Variants in SRI observed in about 807,000 individuals in gnomAD.
SRI encodes sorcin, also known as 22 kDa protein.
SRI carries 30 observed loss-of-function variants against 33.3 expected under a neutral mutation model. That is an observed-to-expected ratio of 0.90 (90% CI 0.67 to 1.22). SRI has a LOEUF of 1.22. Among genes scored for constraint, SRI ranks in the 50% most tolerant of loss-of-function variants. The pLI is 0.00. For missense variants in SRI, 243 were observed against 250.8 expected (o/e 0.97, Z 0.21); for synonymous variants, 75 against 89.9 (o/e 0.83, Z 0.94).
At chr7:88,209,915 C>T in intron 5 of SRI, 68 bp downstream of exon 5, 1 of 1,605,930 alleles carries the variant, frequency 6.2e-7, no homozygotes, top group Non-Finnish European at 8.5e-7. Context: ...TGCACCCAGC[C>T]TGGTTTTAAA....
chr7:88,218,570 T>C (rs1851791551), intron 2 of SRI, among the ~76,000 whole-genome samples: 1 of 152,134 alleles, frequency 6.6e-6, no homozygotes, highest in African/African-American at 2.4e-5. Context: ...CAAACAAGCG[T>C]TTATATTTAC....
At chr7:88,219,096 A>AC in intron 1 of SRI, 154 bp from the exon 2 acceptor site, 2 of 685,536 alleles carry the variant, frequency 2.9e-6, no homozygotes, top group Non-Finnish European at 5.3e-6. Flanking sequence ...CCAACACTCC[A>AC]CCCCTCTCTT....
At chr7:88,210,253 TATGATGTAAAATTA>T in intron 4 of SRI, 123 bp from the exon 5 acceptor site, 1 of 1,183,362 alleles carries the variant, frequency 8.5e-7, no homozygotes, top group Non-Finnish European at 1.2e-6. Context: ...TTATTCTTGG[TATGATGTAAAATTA>T]ATGATTTAAA....
intron 6 of SRI, chr7:88,208,803 A>G: frequency 1.9e-6 from 1 of 532,110 alleles, no homozygotes; most frequent in Non-Finnish European, 3.2e-6. Context: ...TTGTTTTTTT[A>G]GATCTGGAGA....
intron 7 of SRI, 49 bp from the exon 8 acceptor site, chr7:88,206,553 G>A (rs932047582): frequency 1.1e-5 from 17 of 1,606,184 alleles, no homozygotes; most frequent in Non-Finnish European, 1.4e-5. Flanking sequence ...CACTTATACG[G>A]CACAGCCTAT....
intron 3 of SRI, among the ~76,000 whole-genome samples, chr7:88,215,787 A>T (rs558005589): frequency 6.6e-6 from 1 of 152,358 alleles, no homozygotes; most frequent in Non-Finnish European, 1.5e-5. Context: ...TAGTTTGAAC[A>T]TTTTAATCCA....
intron 6 of SRI, 45 bp downstream of exon 6, chr7:88,209,294 A>G: frequency 6.8e-7 from 1 of 1,481,150 alleles, no homozygotes; most frequent in African/African-American, 1.4e-5. Context: ...TGTAATAAAA[A>G]CTGTGTCTTG....
intron 1 of SRI, among the ~76,000 whole-genome samples, chr7:88,226,086 T>C (rs1056868670): frequency 1.3e-5 from 2 of 152,172 alleles, no homozygotes; most frequent in Admixed American, 6.5e-5. Context: ...TATGCTCAGG[T>C]AGAAAATCAC....
At chr7:88,217,947 C>T (rs543434207) in intron 2 of SRI, among the ~76,000 whole-genome samples, 1 of 152,158 alleles carries the variant, frequency 6.6e-6, no homozygotes, top group Non-Finnish European at 1.5e-5. Flanking sequence ...GAAGGTCTTC[C>T]AGTTTTAGAC....
chr7:88,210,704 TAA>T (rs1200762378), intron 4 of SRI, 176 bp downstream of exon 4: 4 of 595,476 alleles, frequency 6.7e-6, no homozygotes, highest in Non-Finnish European at 1.2e-5. Context: ...TTCTGTTTAC[TAA>T]ATTTCTTTTC....
chr7:88,220,464 G>A (rs899170262), upstream of SRI, among the ~76,000 whole-genome samples: 10 of 152,032 alleles, frequency 6.6e-5, no homozygotes, highest in African/African-American at 2.4e-4. Context: ...GCACCATCGC[G>A]AGGCAGGGGC....
intron 4 of SRI, 34 bp downstream of exon 4, chr7:88,210,848 A>AG: frequency 6.2e-7 from 1 of 1,602,886 alleles, no homozygotes; most frequent in Non-Finnish European, 8.5e-7. Context: ...TTTTAGAAAA[A>AG]ATTATTCTAG....
At chr7:88,220,825 A>G, upstream of SRI, among the ~76,000 whole-genome samples, 1 of 152,222 alleles carries the variant, frequency 6.6e-6, no homozygotes, top group East Asian at 1.9e-4. Flanking sequence ...GCTACTTTTT[A>G]TATAAGAAAA....
At chr7:88,208,915 T>G (rs1181024172) in intron 6 of SRI, 2 of 316,260 alleles carry the variant, frequency 6.3e-6, no homozygotes, top group Non-Finnish European at 1.2e-5. Context: ...ACAAAGATAC[T>G]GCTTAAGAAA....
chr7:88,219,947 G>A, intron 1 of SRI, 29 bp downstream of exon 1: 1 of 1,538,308 alleles, frequency 6.5e-7, no homozygotes, highest in Non-Finnish European at 8.7e-7. Flanking sequence ...GAGCCGCCTG[G>A]GCCGCGATCC....
chr7:88,214,272 G>T (rs541445129), intron 3 of SRI, among the ~76,000 whole-genome samples: 171 of 152,336 alleles, frequency 1.1e-3, no homozygotes, highest in African/African-American at 4.0e-3. Flanking sequence ...CAGGCAAAGC[G>T]TAAGTGAATA....
chr7:88,206,984 G>T (rs189239897), intron 7 of SRI, among the ~76,000 whole-genome samples: 37 of 152,286 alleles, frequency 2.4e-4, no homozygotes, highest in Admixed American at 2.3e-3. Context: ...GCAAGTGTAT[G>T]TATGCACAGA....
chr7:88,220,781 C>T (rs1443115123), upstream of SRI, among the ~76,000 whole-genome samples: 2 of 152,134 alleles, frequency 1.3e-5, no homozygotes, highest in Non-Finnish European at 2.9e-5. Context: ...CTGGATGATT[C>T]AGACAAAACA....
At chr7:88,222,028 TTATGGCTGCATAG>T (rs1214466339), upstream of SRI, among the ~76,000 whole-genome samples, 5 of 142,348 alleles carry the variant, frequency 3.5e-5, no homozygotes, top group Non-Finnish European at 7.6e-5. Context: ...TCATCATTTT[TTATGGCTGCATAG>T]TATTCCATGG....
Sources: allele counts gnomAD v4.1 joint callset (sites outside exome capture counted in the v4.1 genomes callset), GRCh38; gene constraint gnomAD v4.1.1; transcripts MANE v1.5; gene names NCBI Gene and HGNC (gene_info 2026-07-23, HGNC 2026-07-21).